ZNF34: variants seen among roughly 807,000 people sequenced by gnomAD.
ZNF34 encodes the protein zinc finger protein 34 (KOX 32).
ZNF34 carries 8 observed loss-of-function variants against 14.4 expected under a neutral mutation model. That is an observed-to-expected ratio of 0.55 (90% CI 0.33 to 1.00). The LOEUF (loss-of-function observed/expected upper bound fraction) is 1.00. Ranked by LOEUF, ZNF34 falls within the 50% of genes least tolerant of loss-of-function variation. ZNF34 has a pLI of 0.03. For missense variants in ZNF34, 538 were observed against 674.2 expected (o/e 0.80, Z 2.24); for synonymous variants, 235 against 247.9 (o/e 0.95, Z 0.49).
Position 144,774,453 on chromosome 8 carries a change from C to G in ZNF34, c.433G>C (p.Ala145Pro). The G allele has an allele frequency of 6.2e-7, 1 of 1,614,000 alleles. No individual in the cohort carries two copies. Among genetic ancestry groups the G allele is most frequent in the Non-Finnish European group, 8.5e-7 (1 of 1,179,898 alleles). Residue 145 changes from alanine (A) to proline (P), a missense_variant, in exon 6 of 6, where the codon GCA becomes CCA. Transcript: ENST00000429371. ...CTCTCCCCGTTGGTCAGTGTGACTG[C>G]CCTGGGGCCTCTCTGCTCCACTAGC... Reference protein sequence around the residue: ...EKLVEQRGPRAVTLTNGESSR... With the variant: ...EKLVEQRGPRPVTLTNGESSR...
intron 1 of ZNF34, among the ~76,000 whole-genome samples, chr8:144,785,106 CAAAAAAAAAAAA>C (rs749277788): frequency 1.0e-4 from 5 of 50,072 alleles, no homozygotes; most frequent in Non-Finnish European, 1.6e-4. Flanking sequence ...CAGACCCTGC[CAAAAAAAAAAAA>C]AAAAAAAAAA....
At chr8:144,785,947 G>A (rs552021723) in intron 1 of ZNF34, among the ~76,000 whole-genome samples, 33 of 150,508 alleles carry the variant, frequency 2.2e-4, no homozygotes, top group Non-Finnish European at 4.1e-4. Context: ...AAACTGTCAG[G>A]TACAGAATAT....
chr8:144,785,769 A>C (rs909692865), intron 1 of ZNF34, among the ~76,000 whole-genome samples: 1 of 152,088 alleles, frequency 6.6e-6, no homozygotes, highest in African/African-American at 2.4e-5. Context: ...GGGAAACCCC[A>C]CTCGAAGTAT....
In ZNF34 at chr8:144,773,664, T is replaced by C. The variant is rs531024244; in HGVS notation, c.1222A>G (p.Ile408Val). 1.9e-6 allele frequency: 3 copies of C among 1,614,092 alleles called. No individual in the cohort carries two copies. Among genetic ancestry groups the C allele is most frequent in the African/African-American group, 1.3e-5 (1 of 75,032 alleles). The change falls in exon 6 of 6, where the codon ATT (isoleucine) becomes GTT (valine). Residue 408 changes from isoleucine to valine, a missense_variant. Ile to Val is a conservative substitution (Grantham distance 29). Transcript: ENST00000429371. This position sits in a 1 kb window ranked among gnomAD's most constrained non-coding sequence, Gnocchi z 5.4. Reference sequence around the variant, plus strand: ...TGTTCCACGAGTTTGGTTTTTTGAATGAAAGCTTTCTCACATTCATTACAT... The same window carrying C: ...TGTTCCACGAGTTTGGTTTTTTGAACGAAAGCTTTCTCACATTCATTACAT... ...YKCNECEKAFIQKTKLVEHQR... is the reference protein window; with the variant it reads ...YKCNECEKAFVQKTKLVEHQR...
intron 1 of ZNF34, among the ~76,000 whole-genome samples, chr8:144,785,908 G>A (rs1195381982): frequency 6.6e-6 from 1 of 151,734 alleles, no homozygotes; most frequent in Non-Finnish European, 1.5e-5. Context: ...TAATGTCAAG[G>A]AGATAGAGCA....
chr8:144,781,422 T>C (rs1420977415), intron 1 of ZNF34, among the ~76,000 whole-genome samples: 1 of 150,874 alleles, frequency 6.6e-6, no homozygotes, highest in Non-Finnish European at 1.5e-5. Context: ...GTGCGTTTAA[T>C]TTTTTTTGTA....
chr8:144,781,320 G>A (rs1215481227), intron 1 of ZNF34, among the ~76,000 whole-genome samples: 1 of 150,024 alleles, frequency 6.7e-6, no homozygotes, highest in Non-Finnish European at 1.5e-5. Flanking sequence ...CCAGGCTAGA[G>A]TACAGTGGCG....
chr8:144,782,555 G>C (rs539737434), intron 1 of ZNF34, among the ~76,000 whole-genome samples: 1 of 150,914 alleles, frequency 6.6e-6, no homozygotes, highest in East Asian at 2.0e-4. Flanking sequence ...AACTCAAGGA[G>C]GGCCGGGCAC....
chr8:144,772,942 G>C lies in ZNF34; in HGVS notation c.*324C>G, dbSNP rs1825254009. Among the ~76,000 whole-genome samples, 1 of 152,158 alleles carries C rather than the reference G, an allele frequency of 6.6e-6. No homozygotes were observed. The highest frequency in any genetic ancestry group is 6.5e-5 in the Admixed American group (1 of 15,274). ...GAAATAGCAAAAGTGAAGATCCTAG[G>C]TGCTGCAATGACAAGCATTACGGTA... On this transcript the variant is annotated 3_prime_UTR_variant, in exon 6 of 6. Transcript: ENST00000429371.
Position 144,778,505 on chromosome 8 carries a change from C to T in ZNF34, c.-34G>A. ...GGTTGGGCTTTCTGAGGGCAGTGAG[C>T]AGGAGCTGGTCACTGAGGAGCTGAG... is the stretch of plus-strand genomic sequence containing the variant. On this transcript the variant is annotated 5_prime_UTR_variant, in exon 3 of 6. Coordinates refer to ENST00000429371, the MANE Select transcript of ZNF34 (RefSeq NM_001286769.2). The T allele has an allele frequency of 6.3e-7, 1 of 1,584,796 alleles. No individual in the cohort carries two copies. The highest frequency in any genetic ancestry group is 8.6e-7 in the Non-Finnish European group (1 of 1,165,976).
chr8:144,773,772 A>G lies in ZNF34; in HGVS notation c.1114T>C (p.Cys372Arg). ...RTHTGEKPFE[C>R]KECGKGFTQS... ...GTAAAGCCTTTGCCACATTCCTTGCACTCAAATGGCTTCTCTCCGGTGTGA... is the reference window on the plus strand; with the variant it reads ...GTAAAGCCTTTGCCACATTCCTTGCGCTCAAATGGCTTCTCTCCGGTGTGA... Residue 372 changes from cysteine (C) to arginine (R), a missense_variant, in exon 6 of 6, where the codon TGC (cysteine) becomes CGC (arginine). Physicochemically the swap from Cys to Arg is radical, Grantham distance 180 (BLOSUM62 -3). Around this residue, in one of 3 missense-constraint regions of ZNF34, gnomAD observed 431 missense variants for 525.7 expected, o/e 0.82. Transcript: ENST00000429371. This position sits in a 1 kb window ranked among gnomAD's most constrained non-coding sequence, Gnocchi z 5.4. 1 of 1,614,032 alleles carries G rather than the reference A, an allele frequency of 6.2e-7. No homozygotes were observed. The highest frequency in any genetic ancestry group is 8.5e-7 in the Non-Finnish European group (1 of 1,179,962).
chr8:144,775,235 A>G (rs981753103), intron 5 of ZNF34, among the ~76,000 whole-genome samples: 15 of 152,224 alleles, frequency 9.9e-5, no homozygotes, highest in African/African-American at 2.9e-4. Context: ...CTGAACACCA[A>G]TATCTGCCAA....
Position 144,777,021 on chromosome 8 carries a change from T to G in ZNF34, c.280+437A>C, listed in dbSNP as rs1056093320. 2.0e-5 allele frequency among the ~76,000 whole-genome samples: 3 copies of G among 152,000 alleles called. No individual in the cohort carries two copies. Among genetic ancestry groups the G allele is most frequent in the Admixed American group, 2.0e-4 (3 of 15,252 alleles). On this transcript the variant is annotated intron_variant, in intron 5 of 5. Coordinates refer to ENST00000429371, the MANE Select transcript of ZNF34 (RefSeq NM_001286769.2). This position sits in a 1 kb window ranked among gnomAD's most constrained non-coding sequence, Gnocchi z 4.8. ...ACACAACTATGTCTGGGTAGTGAGA[T>G]TCAGGGTGATGTGTAGTCTCTCACT...
At chr8:144,780,377 C>A in intron 1 of ZNF34, 97 bp from the exon 2 acceptor site, 1 of 901,380 alleles carries the variant, frequency 1.1e-6, no homozygotes, top group Non-Finnish European at 1.7e-6. Context: ...TTTTCTGTAT[C>A]TTTAAAGCTT....
chr8:144,773,151 G>T lies in ZNF34; in HGVS notation c.*115C>A, dbSNP rs949866239. The T allele has an allele frequency of 8.8e-7, 1 of 1,135,116 alleles. No homozygotes were observed. Among genetic ancestry groups the T allele is most frequent in the Non-Finnish European group, 1.2e-6 (1 of 836,142 alleles). The allele number at this position is 1,135,116 out of a possible 1,614,324, so 70.3% of individuals were successfully genotyped here. On this transcript the variant is annotated 3_prime_UTR_variant, in exon 6 of 6. Coordinates refer to ENST00000429371, the MANE Select transcript of ZNF34 (RefSeq NM_001286769.2). The surrounding 1 kb of genome is among the most constrained non-coding windows in gnomAD (Gnocchi z 5.4). ...AAAAGAGGTTTGTTTAATGAGAAACGTCCTTTCACTCTGTGAAAACATCGT... is the reference window on the plus strand; with the variant it reads ...AAAAGAGGTTTGTTTAATGAGAAACTTCCTTTCACTCTGTGAAAACATCGT...
intron 5 of ZNF34, 32 bp from the exon 6 acceptor site, chr8:144,774,637 C>T: frequency 6.3e-7 from 1 of 1,576,186 alleles, no homozygotes; most frequent in Non-Finnish European, 8.6e-7. Flanking sequence ...CTAAGGGTCA[C>T]CTGCTCTGAC....
chr8:144,785,760 G>C (rs1241815450), intron 1 of ZNF34, among the ~76,000 whole-genome samples: 1 of 152,054 alleles, frequency 6.6e-6, no homozygotes, highest in Non-Finnish European at 1.5e-5. Context: ...CTCTCAGTGG[G>C]GAAACCCCAC....
Position 144,778,182 on chromosome 8 carries a change from A to G in ZNF34, c.34-18T>C, listed in dbSNP as rs2294120. 731,612 of 1,604,922 alleles carry G rather than the reference A, an allele frequency of 0.46. 174,472 individuals are homozygous for G. The highest frequency in any genetic ancestry group is 0.73 in the East Asian group (32,830 of 44,824). On this transcript the variant is annotated intron_variant, in intron 3 of 5. Coordinates refer to ENST00000429371, the MANE Select transcript of ZNF34 (RefSeq NM_001286769.2). ...ACCTCGGCCTGGAATGACAGGGACT[A>G]CTGCAGCCCAGGTGTGGTCCAGAGT...
At chr8:144,781,626 A>G (rs950518654) in intron 1 of ZNF34, among the ~76,000 whole-genome samples, 1 of 152,160 alleles carries the variant, frequency 6.6e-6, no homozygotes, top group Non-Finnish European at 1.5e-5. Context: ...AACATAGAGA[A>G]CACACATTGT....
Sources: gnomAD v4.1 joint callset for allele counts (sites outside exome capture counted in the v4.1 genomes callset) on GRCh38, gnomAD v4.1.1 for gene constraint, gnomAD v4.1.1 regional missense constraint, Gnocchi (gnomAD v3.1) non-coding constraint, MANE v1.5 for transcripts, NCBI Gene and HGNC (gene_info 2026-07-23, HGNC 2026-07-21) for gene names.